Variants in MDGA2 observed in about 807,000 individuals in gnomAD.
The protein encoded by MDGA2 is MAM domain containing glycosylphosphatidylinositol anchor 2.
MDGA2 carries 40 observed loss-of-function variants against 117.8 expected under a neutral mutation model. The observed-to-expected ratio is 0.34, with a 90% CI of 0.26 to 0.44. MDGA2 has a LOEUF of 0.44. MDGA2 is among the 20% of genes least tolerant of loss of function. The probability of loss-of-function intolerance (pLI) is 1.00; values close to 1 mark genes in which losing one functional copy is unlikely to be tolerated. For synonymous variants in MDGA2, 452 were observed against 439.0 expected, an observed-to-expected ratio of 1.03 and a Z score of -0.37; for missense variants, 1,123 against 1,250.6, an observed-to-expected ratio of 0.90 and a Z score of 1.54.
intron 11 of MDGA2, among the ~76,000 whole-genome samples, chr14:46,880,337 A>T (rs1882395576): frequency 1.3e-5 from 2 of 152,092 alleles, no homozygotes; most frequent in Admixed American, 1.3e-4. Context: ...AAATATATAT[A>T]TAGTAATAAT....
chr14:46,947,554 G>A (rs1885216369), intron 9 of MDGA2, among the ~76,000 whole-genome samples: 1 of 151,824 alleles, frequency 6.6e-6, no homozygotes, highest in Non-Finnish European at 1.5e-5. Flanking sequence ...TGAATCATGG[G>A]GGCAAGTCTT....
chr14:47,158,936 C>T (rs1883520167), intron 3 of MDGA2, among the ~76,000 whole-genome samples: 1 of 152,078 alleles, frequency 6.6e-6, no homozygotes, highest in Non-Finnish European at 1.5e-5. Context: ...TGAAAGAAGC[C>T]AATCTGTAAA....
intron 14 of MDGA2, among the ~76,000 whole-genome samples, chr14:46,866,059 A>G (rs1287451522): frequency 2.6e-5 from 4 of 151,752 alleles, no homozygotes; most frequent in Non-Finnish European, 5.9e-5. Flanking sequence ...TTCATATGGA[A>G]CCAAAAAAGA....
chr14:46,894,825 G>A (rs1024381793), intron 10 of MDGA2, among the ~76,000 whole-genome samples: 1 of 152,128 alleles, frequency 6.6e-6, no homozygotes, highest in Admixed American at 6.5e-5. Flanking sequence ...TTCTTTAGCA[G>A]CTTCTGATAA....
rs1244778642 is a variant in MDGA2 at position 47,284,881 on chromosome 14, GT to G, written c.420+16529del. 2.0e-5 allele frequency among the ~76,000 whole-genome samples: 3 copies of G among 152,192 alleles called. No homozygotes were observed. In the East Asian group the frequency reaches 5.8e-4, roughly 29 times the overall value. ...AGCTACTGACTTAGCTTATCGGTAT[GT>G]CTAATAGTATATTAAATATAGTTTT... is the stretch of plus-strand genomic sequence containing the variant. On this transcript the variant is annotated intron_variant, in intron 2 of 16. Coordinates refer to ENST00000399232, the MANE Select transcript of MDGA2 (RefSeq NM_001113498.3).
intron 4 of MDGA2, among the ~76,000 whole-genome samples, chr14:47,134,684 A>G (rs962702014): frequency 1.3e-5 from 2 of 151,884 alleles, no homozygotes; most frequent in African/African-American, 4.8e-5. Context: ...ATAGGTACAG[A>G]TACATGCAGT....
intron 8 of MDGA2, among the ~76,000 whole-genome samples, chr14:47,008,124 A>T (rs965732856): frequency 6.6e-6 from 1 of 151,898 alleles, no homozygotes; most frequent in African/African-American, 2.4e-5. Context: ...ATAAATATAT[A>T]CTGAGTCTCA....
intron 7 of MDGA2, chr14:47,058,924 TTTA>T: frequency 1.0e-6 from 1 of 967,400 alleles, no homozygotes; most frequent in Non-Finnish European, 1.2e-6. Context: ...CCATAGTGAG[TTTA>T]TTAATTTTTG....
chr14:47,587,805 G>C (rs1896353340), intron 1 of MDGA2, among the ~76,000 whole-genome samples: 1 of 151,754 alleles, frequency 6.6e-6, no homozygotes, highest in African/African-American at 2.4e-5. Context: ...TGCATCCATT[G>C]CCACAATCTA....
intron 1 of MDGA2, among the ~76,000 whole-genome samples, chr14:47,360,400 T>TA (rs1402219513): frequency 1.6e-5 from 2 of 128,362 alleles, no homozygotes; most frequent in Non-Finnish European, 3.5e-5. Context: ...TAAAATAAAA[T>TA]AAAAAATTAA....
At chr14:47,383,983 T>TGACA (rs1891696386) in intron 1 of MDGA2, among the ~76,000 whole-genome samples, 3 of 141,782 alleles carry the variant, frequency 2.1e-5, no homozygotes, top group Non-Finnish European at 4.6e-5. Context: ...AATAGATAGA[T>TGACA]GATAGATAGA....
At chr14:47,276,655 T>C (rs1381254127) in intron 2 of MDGA2, among the ~76,000 whole-genome samples, 1 of 152,186 alleles carries the variant, frequency 6.6e-6, no homozygotes, top group African/African-American at 2.4e-5. Context: ...AAACAAATTG[T>C]AATTCTGTAA....
At chr14:47,283,423 T>A (rs1888567658) in intron 2 of MDGA2, among the ~76,000 whole-genome samples, 1 of 152,236 alleles carries the variant, frequency 6.6e-6, no homozygotes, top group South Asian at 2.1e-4. Flanking sequence ...TATTTGGTGA[T>A]ACGGTACACT....
intron 2 of MDGA2, among the ~76,000 whole-genome samples, chr14:47,259,145 A>G (rs1887715009): frequency 6.6e-6 from 1 of 151,996 alleles, no homozygotes; most frequent in South Asian, 2.1e-4. Context: ...CCAAGGAGTA[A>G]TGTACCAATA....
chr14:47,361,207 C>CTATATATATA (rs1226702812), intron 1 of MDGA2, among the ~76,000 whole-genome samples: 21 of 140,546 alleles, frequency 1.5e-4, no homozygotes, highest in African/African-American at 4.3e-4. Context: ...CTCTCTCTCT[C>CTATATATATA]TATATATATA....
rs894422821 is a variant in MDGA2 at position 47,531,118 on chromosome 14, G to A, written c.280+143399C>T. 1.2e-3 allele frequency among the ~76,000 whole-genome samples: 185 copies of A among 152,192 alleles called. 1 individual carries two copies. Among genetic ancestry groups the A allele is most frequent in the African/African-American group, 4.1e-3 (169 of 41,532 alleles). ...AAGTTAGCCAGGCGTGGTGGTGGGC[G>A]CCTGTAGTCCCAGCTACTCGGGAGG... On this transcript the variant is annotated intron_variant, in intron 1 of 16. Coordinates refer to ENST00000399232, the MANE Select transcript of MDGA2 (RefSeq NM_001113498.3).
At chr14:47,478,035 G>T (rs775323581) in intron 1 of MDGA2, among the ~76,000 whole-genome samples, 4 of 152,182 alleles carry the variant, frequency 2.6e-5, no homozygotes, top group Non-Finnish European at 5.9e-5. Context: ...TAGACTCAGT[G>T]CTGCTGGAAC....
At chr14:46,898,076 A>T (rs910510819) in intron 10 of MDGA2, among the ~76,000 whole-genome samples, 10 of 152,098 alleles carry the variant, frequency 6.6e-5, no homozygotes, top group African/African-American at 2.4e-4. Context: ...TATGAAAAAT[A>T]AAAATAACAA....
chr14:47,390,120 T>TC (rs1265262589), intron 1 of MDGA2, among the ~76,000 whole-genome samples: 1 of 152,108 alleles, frequency 6.6e-6, no homozygotes, highest in Non-Finnish European at 1.5e-5. Flanking sequence ...TTTAAAACGG[T>TC]CCCTAAAGGC....
Sources: allele counts gnomAD v4.1 joint callset (sites outside exome capture counted in the v4.1 genomes callset), GRCh38; gene constraint gnomAD v4.1.1; transcripts MANE v1.5; gene names NCBI Gene and HGNC (gene_info 2026-07-23, HGNC 2026-07-21).